The following KRT76 variants were observed in gnomAD, a reference collection of about 807,000 sequenced individuals.
KRT76 encodes keratin 76.
In KRT76, 47 loss-of-function variants were observed where a neutral mutation model predicts 44.9. That is an observed-to-expected ratio of 1.05 (90% CI 0.83 to 1.33). KRT76 has a LOEUF of 1.33. Ranked by LOEUF, KRT76 falls within the 40% of genes most tolerant of loss-of-function variation. KRT76 has a pLI of 0.00. For synonymous variants in KRT76, 331 were observed against 294.1 expected (o/e 1.13, Z -1.28); for missense variants, 860 against 775.8 (o/e 1.11, Z -1.29).
Position 52,776,995 on chromosome 12 carries a change from C to A in KRT76, c.297G>T (p.Gly99=). The A allele has an allele frequency of 6.2e-7, 1 of 1,613,936 alleles. No homozygotes were observed. Among genetic ancestry groups the A allele is most frequent in the Non-Finnish European group, 8.5e-7 (1 of 1,179,894 alleles). ...CACCAAAGCCACCACCATAGCTGCCCCCAAAGCCACCTCCATAGCCACCTG... is the reference window on the plus strand; with the variant it reads ...CACCAAAGCCACCACCATAGCTGCCACCAAAGCCACCTCCATAGCCACCTG... The part of the protein sequence containing the change: ...GFAGGYGGGF[G]GSYGGGFGGG... The change falls in exon 1 of 9, where the codon GGG becomes GGT. Residue 99 remains glycine, a synonymous_variant. Coordinates refer to ENST00000332411, the MANE Select transcript of KRT76 (RefSeq NM_015848.4).
At chr12:52,774,113 T>A (rs1939226924) in intron 2 of KRT76, among the ~76,000 whole-genome samples, 1 of 152,206 alleles carries the variant, frequency 6.6e-6, no homozygotes, top group Admixed American at 6.5e-5. Context: ...ATTACAGGCA[T>A]GATTGAAATT....
rs1939264798 is a variant in KRT76 at position 52,776,687 on chromosome 12, C to G, written c.600+5G>C. ...CTCCACAGCACCTCTTGGCCTTGCCCTCACCTTGTCGATGAAGGAGGCAAA... is the reference window on the plus strand; with the variant it reads ...CTCCACAGCACCTCTTGGCCTTGCCGTCACCTTGTCGATGAAGGAGGCAAA... On this transcript the variant is annotated splice_donor_5th_base_variant and intron_variant, in intron 1 of 8. Transcript: ENST00000332411. The G allele has an allele frequency of 1.9e-6, 3 of 1,613,916 alleles. No homozygotes were observed. The highest frequency in any genetic ancestry group is 2.5e-6 in the Non-Finnish European group (3 of 1,180,048).
At chr12:52,775,905 A>C (rs1183500644) in intron 1 of KRT76, among the ~76,000 whole-genome samples, 3 of 152,174 alleles carry the variant, frequency 2.0e-5, no homozygotes, top group Non-Finnish European at 4.4e-5. Context: ...TAAGTTTCCC[A>C]AAGTGACAAG....
chr12:52,776,672 C>A lies in KRT76; in HGVS notation c.600+20G>T. On this transcript the variant is annotated intron_variant, in intron 1 of 8. Coordinates refer to ENST00000332411, the MANE Select transcript of KRT76 (RefSeq NM_015848.4). Reference sequence around the variant, plus strand: ...TGGGCACCCCAAACCCTCCACAGCACCTCTTGGCCTTGCCCTCACCTTGTC... The same window carrying A: ...TGGGCACCCCAAACCCTCCACAGCAACTCTTGGCCTTGCCCTCACCTTGTC... The A allele has an allele frequency of 1.2e-6, 2 of 1,613,828 alleles. No homozygotes were observed. The highest frequency in any genetic ancestry group is 1.7e-6 in the Non-Finnish European group (2 of 1,180,040).
chr12:52,772,548 C>G (rs897690999), intron 4 of KRT76, among the ~76,000 whole-genome samples: 1 of 152,168 alleles, frequency 6.6e-6, no homozygotes, highest in Non-Finnish European at 1.5e-5. Flanking sequence ...AAGAAGCCAA[C>G]TATGACATGG....
intron 2 of KRT76, 30 bp from the exon 3 acceptor site, chr12:52,773,672 A>T: frequency 6.3e-7 from 1 of 1,589,290 alleles, no homozygotes; most frequent in Non-Finnish European, 8.6e-7. Flanking sequence ...ACATTTGAAC[A>T]CTGGCATTTC....
chr12:52,771,940 C>T lies in KRT76; in HGVS notation c.1194G>A (p.Lys398=), dbSNP rs1229520405. ...TCCTGTTGAGCTCCATGATCTCACTCTTGGTGTTCCTCAGGTCATCCCCAT... is the reference window on the plus strand; with the variant it reads ...TCCTGTTGAGCTCCATGATCTCACTTTTGGTGTTCCTCAGGTCATCCCCAT... ...GRHGDDLRNT[K]SEIMELNRMI... The change falls in exon 6 of 9, where the codon AAG becomes AAA. Residue 398 remains lysine (K), a synonymous_variant. Transcript: ENST00000332411. 1.2e-6 allele frequency: 2 copies of T among 1,614,194 alleles called. No homozygotes were observed. The highest frequency in any genetic ancestry group is 1.1e-5 in the South Asian group (1 of 91,072).
At chr12:52,771,243 T>C (rs755741068) in intron 6 of KRT76, 24 bp from the exon 7 acceptor site, 9 of 1,609,600 alleles carry the variant, frequency 5.6e-6, no homozygotes, top group African/African-American at 1.3e-5. Flanking sequence ...TCAATTAGCA[T>C]AGTGACCCGG....
chr12:52,772,090 C>T lies in KRT76; in HGVS notation c.1137+4G>A. The T allele has an allele frequency of 6.2e-7, 1 of 1,608,138 alleles. No homozygotes were observed. The highest frequency in any genetic ancestry group is 2.2e-5 in the East Asian group (1 of 44,826). ...GGATCCAAGGACACAGGGAGGGTTC[C>T]CACCTTGGTCTGGTACAGGGCCTCA... On this transcript the variant is annotated splice_donor_region_variant and intron_variant, in intron 5 of 8. Coordinates refer to ENST00000332411, the MANE Select transcript of KRT76 (RefSeq NM_015848.4).
intron 7 of KRT76, among the ~76,000 whole-genome samples, chr12:52,770,764 C>T (rs1171907983): frequency 1.3e-5 from 2 of 152,192 alleles, no homozygotes; most frequent in African/African-American, 4.8e-5. Context: ...ATACATTGCA[C>T]ATAGTGAAGA....
Position 52,773,634 on chromosome 12 carries a change from T to A in KRT76, c.824A>T (p.Asp275Val), listed in dbSNP as rs1301773345. 6.2e-7 allele frequency: 1 copy of A among 1,612,932 alleles called. No homozygotes were observed. Among genetic ancestry groups the A allele is most frequent in the African/African-American group, 1.3e-5 (1 of 74,948 alleles). Residue 275 changes from aspartate (D) to valine (V), a missense_variant, in exon 3 of 9, where the codon GAT becomes GTT. Asp to Val is a radical substitution (Grantham distance 152). Coordinates refer to ENST00000332411, the MANE Select transcript of KRT76 (RefSeq NM_015848.4). ...TGCGGCAGTGCGTTTGTTGATTTCA[T>A]CTTCATACCTGGAACAAGAAGAGGC... ...LVEDFKKKYE[D>V]EINKRTAAEN...
intron 2 of KRT76, among the ~76,000 whole-genome samples, chr12:52,774,202 A>T (rs1939227965): frequency 6.6e-6 from 1 of 152,186 alleles, no homozygotes; most frequent in East Asian, 1.9e-4. Flanking sequence ...TCCTGTCCAG[A>T]GACCTCTCAG....
In KRT76 at chr12:52,776,757, C is replaced by A; in HGVS notation, c.535G>T (p.Val179Leu). ...NVEIDPQIGQVKAQEREQIKT... is the reference protein window; with the variant it reads ...NVEIDPQIGQLKAQEREQIKT... ...ATCTGTTCCCGCTCCTGGGCCTTTA[C>A]TTGCCCAATCTGGGGGTCGATCTCC... Residue 179 changes from valine to leucine, a missense_variant, in exon 1 of 9, where the codon GTA (valine) becomes TTA (leucine). Physicochemically the swap from Val to Leu is conservative, Grantham distance 32 (BLOSUM62 1). Coordinates refer to ENST00000332411, the MANE Select transcript of KRT76 (RefSeq NM_015848.4). The A allele has an allele frequency of 2.5e-6, 4 of 1,614,082 alleles. No individual in the cohort carries two copies. The highest frequency in any genetic ancestry group is 3.4e-6 in the Non-Finnish European group (4 of 1,180,016).
In KRT76 at chr12:52,771,893, T is replaced by G. The variant is rs199721839; in HGVS notation, c.1241A>C (p.Glu414Ala). The change falls in exon 6 of 9, where the codon GAG (glutamate) becomes GCG (alanine). Residue 414 changes from glutamate (E) to alanine (A), a missense_variant. Coordinates refer to ENST00000332411, the MANE Select transcript of KRT76 (RefSeq NM_015848.4). ...CACCTGCTTCTTGACATTTTCAATCTCAGCCCGTAGCCTCTGGATCATCCT... is the reference window on the plus strand; with the variant it reads ...CACCTGCTTCTTGACATTTTCAATCGCAGCCCGTAGCCTCTGGATCATCCT... Reference protein sequence around the residue: ...LNRMIQRLRAEIENVKKQNAN... With the variant: ...LNRMIQRLRAAIENVKKQNAN... The G allele has an allele frequency of 6.2e-7, 1 of 1,613,968 alleles. No individual in the cohort carries two copies. Among genetic ancestry groups the G allele is most frequent in the Non-Finnish European group, 8.5e-7 (1 of 1,179,884 alleles).
At position 52,768,861 on chromosome 12, in the gene KRT76, C is replaced by T. The variant is rs370971104; in HGVS notation, c.1769G>A (p.Ser590Asn). 5.0e-6 allele frequency: 8 copies of T among 1,613,594 alleles called. No homozygotes were observed. Among genetic ancestry groups the T allele is most frequent in the Non-Finnish European group, 6.8e-6 (8 of 1,179,832 alleles). The change falls in exon 9 of 9, where the codon AGC becomes AAC. Residue 590 changes from serine (S) to asparagine (N), a missense_variant. Coordinates refer to ENST00000332411, the MANE Select transcript of KRT76 (RefSeq NM_015848.4). Reference protein sequence around the residue: ...SSGSRLGGAGSISVSHSGMGS... With the variant: ...SSGSRLGGAGNISVSHSGMGS... ...CATTCCACTGTGGCTCACGGAGATGCTACCTGCACCGCCGAGCCTGCTCCC... is the reference window on the plus strand; with the variant it reads ...CATTCCACTGTGGCTCACGGAGATGTTACCTGCACCGCCGAGCCTGCTCCC...
In KRT76 at chr12:52,771,215, G is replaced by A. The variant is rs1939176696; in HGVS notation, c.1268C>T (p.Ala423Val). The A allele has an allele frequency of 1.9e-6, 3 of 1,614,034 alleles. No homozygotes were observed. The highest frequency in any genetic ancestry group is 2.2e-5 in the South Asian group (2 of 91,064). ...CTCTGCAATTGCCGTCTGCAGGTTG[G>A]CATTCTGAGGTAGAAAATCAATTAG... ...AEIENVKKQN[A>V]NLQTAIAEAE... The change falls in exon 7 of 9, where the codon GCC becomes GTC. Residue 423 changes from alanine (A) to valine (V), a missense_variant. Transcript: ENST00000332411.
chr12:52,769,594 AGAG>A lies in KRT76; in HGVS notation c.1485-14_1485-12del. The A allele has an allele frequency of 6.2e-7, 1 of 1,613,124 alleles. No homozygotes were observed. Among genetic ancestry groups the A allele is most frequent in the Non-Finnish European group, 8.5e-7 (1 of 1,179,070 alleles). On this transcript the variant is annotated splice_polypyrimidine_tract_variant and intron_variant, in intron 7 of 8. Coordinates refer to ENST00000332411, the MANE Select transcript of KRT76 (RefSeq NM_015848.4). ...CATTCTCCAGACATCCTGAAAAGGA[AGAG>A]GAGAGGTGAATTCTTTCTGTTATGA...
rs372101112 is a variant in KRT76, at chr12:52,772,884, G to A, written c.877-6C>T. 2.5e-6 allele frequency: 4 copies of A among 1,610,084 alleles called. No individual in the cohort carries two copies. The African/African-American group carries it at 5.3e-5, about 22-fold the overall frequency. ...ATGAAAGCCGCATCCACATCCTGCAGAGGAGGTCAGAAACCCAGAGAATGA... is the reference window on the plus strand; with the variant it reads ...ATGAAAGCCGCATCCACATCCTGCAAAGGAGGTCAGAAACCCAGAGAATGA... On this transcript the variant is annotated splice_polypyrimidine_tract_variant and splice_region_variant and intron_variant, in intron 3 of 8. Transcript: ENST00000332411.
rs901559448 is a variant in KRT76 at position 52,777,053 on chromosome 12, C to G, written c.239G>C (p.Gly80Ala). 2.5e-6 allele frequency: 4 copies of G among 1,614,060 alleles called. No homozygotes were observed. The African/African-American group carries it at 5.3e-5, about 22-fold the overall frequency. The part of the protein sequence containing the change: ...SVAAGSSRAG[G>A]FGGGRSSCGF... ...ACAGCTGCTCCGCCCTCCCCCAAAG[C>G]CTCCAGCCCGGGAGCTGCCAGCTGC... Residue 80 changes from glycine to alanine, a missense_variant, in exon 1 of 9, where the codon GGC (glycine) becomes GCC (alanine). Physicochemically the swap from Gly to Ala is moderately conservative, Grantham distance 60 (BLOSUM62 0). Transcript: ENST00000332411.
Sources: allele counts gnomAD v4.1 joint callset (sites outside exome capture counted in the v4.1 genomes callset), GRCh38; gene constraint gnomAD v4.1.1; transcripts MANE v1.5; gene names NCBI Gene and HGNC (gene_info 2026-07-23, HGNC 2026-07-21).